The following ADAMTS18 variants were observed in gnomAD, a reference collection of about 807,000 sequenced individuals.
ADAMTS18 encodes A disintegrin and metalloproteinase with thrombospondin motifs 18.
Under a neutral mutation model 165.9 loss-of-function variants are expected in ADAMTS18, and 157 were observed. The ratio of observed to expected loss-of-function variants is 0.95; its 90% CI spans 0.83 to 1.08. The LOEUF (loss-of-function observed/expected upper bound fraction) is 1.08. ADAMTS18 is among the 50% of genes least tolerant of loss of function. The pLI, the probability that ADAMTS18 is intolerant of heterozygous loss-of-function variation, is 0.00. For missense variants in ADAMTS18, 2,040 were observed against 1,534.0 expected (o/e 1.33, Z -5.51); for synonymous variants, 782 against 578.2 (o/e 1.35, Z -5.06).
chr16:77,314,786 A>ATATATATATATATATATATATATAT (rs1491101675), intron 16 of ADAMTS18, among the ~76,000 whole-genome samples: 2 of 81,786 alleles, frequency 2.4e-5, no homozygotes, highest in Non-Finnish European at 2.4e-5. Context: ...ATATATATAT[A>ATATATATATATATATATATATATAT]AAATATATGT....
chr16:77,305,146 G>A (rs1444111157), intron 16 of ADAMTS18, among the ~76,000 whole-genome samples: 2 of 152,150 alleles, frequency 1.3e-5, no homozygotes, highest in Non-Finnish European at 2.9e-5. Flanking sequence ...AGATAAGTAT[G>A]TGCCAATTGT....
At position 77,378,163 on chromosome 16, in the gene ADAMTS18, A is replaced by C. The variant is rs191960733; in HGVS notation, c.496-10440T>G. ...AACACCACAAGATCCATCTCTACTA[A>C]AATAAAATGTTAGCCAGGTGTGTGT... On this transcript the variant is annotated intron_variant, in intron 3 of 22. Coordinates refer to ENST00000282849, the MANE Select transcript of ADAMTS18 (RefSeq NM_199355.4). Among the ~76,000 whole-genome samples, 473 of 151,212 alleles carry C rather than the reference A, an allele frequency of 3.1e-3. 6 individuals carry two copies. Among genetic ancestry groups the C allele is most frequent in the African/African-American group, 0.011 (459 of 40,650 alleles).
intron 22 of ADAMTS18, among the ~76,000 whole-genome samples, chr16:77,288,008 G>A (rs1435692932): frequency 1.3e-5 from 2 of 152,138 alleles, no homozygotes; most frequent in African/African-American, 2.4e-5. Flanking sequence ...GAACAAGATC[G>A]AGGACCTCAC....
At chr16:77,432,433 A>G (rs1403478570) in intron 2 of ADAMTS18, 5 of 152,214 alleles carry the variant, frequency 3.3e-5, no homozygotes, top group African/African-American at 1.2e-4. Context: ...TGCTCCCTAG[A>G]GCAGTACTAA....
chr16:77,294,809 A>G, intron 19 of ADAMTS18, 114 bp downstream of exon 19: 1 of 1,029,294 alleles, frequency 9.7e-7, no homozygotes, highest in Non-Finnish European at 1.5e-6. Flanking sequence ...ACATGAACTC[A>G]GGGTGATTTC....
intron 3 of ADAMTS18, among the ~76,000 whole-genome samples, chr16:77,372,401 T>C (rs927932927): frequency 7.9e-5 from 12 of 152,330 alleles, no homozygotes; most frequent in Admixed American, 1.3e-4. Flanking sequence ...AAATGTGGTA[T>C]ATATACACAA....
In ADAMTS18 at chr16:77,370,000, G is replaced by A. The variant is rs978426411; in HGVS notation, c.496-2277C>T. 3.3e-5 allele frequency among the ~76,000 whole-genome samples: 5 copies of A among 151,996 alleles called. No individual in the cohort carries two copies. The South Asian group carries it at 6.2e-4, about 19-fold the overall frequency. On this transcript the variant is annotated intron_variant, in intron 3 of 22. Coordinates refer to ENST00000282849, the MANE Select transcript of ADAMTS18 (RefSeq NM_199355.4). ...AACGAAAAACATAATTTTAATAGAT[G>A]CAAAAAAATGCATTTGATAAAATTT...
rs1567453940 is a variant in ADAMTS18 at position 77,289,438 on chromosome 16, C to T, written c.3403-27G>A. 6.2e-6 allele frequency: 10 copies of T among 1,612,908 alleles called. No homozygotes were observed. In the South Asian group the frequency reaches 6.6e-5, roughly 11 times the overall value. The stretch of plus-strand genomic sequence containing the variant: ...TGCAGCAGAGAGAAGAGGAAGGAGT[C>T]AGAAACACTCTACTGAGGTCAGTGA... On this transcript the variant is annotated intron_variant, in intron 21 of 22. Coordinates refer to ENST00000282849, the MANE Select transcript of ADAMTS18 (RefSeq NM_199355.4).
chr16:77,300,870 C>T (rs2055569607), intron 16 of ADAMTS18, among the ~76,000 whole-genome samples: 1 of 152,120 alleles, frequency 6.6e-6, no homozygotes, highest in African/African-American at 2.4e-5. Context: ...AATTTACAAG[C>T]TCTCTCCTGG....
chr16:77,396,643 C>A (rs2057260840), intron 3 of ADAMTS18, among the ~76,000 whole-genome samples: 3 of 152,104 alleles, frequency 2.0e-5, no homozygotes, highest in Admixed American at 2.0e-4. Context: ...TTCCAGCAGA[C>A]AGGGGAAATC....
At chr16:77,382,547 A>C (rs76547538) in intron 3 of ADAMTS18, among the ~76,000 whole-genome samples, 44 of 152,330 alleles carry the variant, frequency 2.9e-4, no homozygotes, top group African/African-American at 1.0e-3. Flanking sequence ...CTGAAGCTAC[A>C]TGACCTTTAC....
intron 16 of ADAMTS18, among the ~76,000 whole-genome samples, chr16:77,316,219 T>G (rs1227840187): frequency 6.6e-6 from 1 of 151,986 alleles, no homozygotes; most frequent in Non-Finnish European, 1.5e-5. Flanking sequence ...AGTTTACTTC[T>G]TGCCTCTCCA....
chr16:77,400,631 G>A (rs949494032), intron 3 of ADAMTS18, among the ~76,000 whole-genome samples: 3 of 151,846 alleles, frequency 2.0e-5, no homozygotes, highest in Middle Eastern at 3.2e-3. Context: ...ACAGGCGCCC[G>A]TCACCGCACC....
chr16:77,422,783 A>G (rs935888116), intron 3 of ADAMTS18, among the ~76,000 whole-genome samples: 2 of 152,134 alleles, frequency 1.3e-5, no homozygotes, highest in Non-Finnish European at 2.9e-5. Context: ...TACAATATAT[A>G]AACAAGAACA....
chr16:77,358,309 C>T (rs187680730), intron 8 of ADAMTS18, among the ~76,000 whole-genome samples: 1 of 152,296 alleles, frequency 6.6e-6, no homozygotes, highest in Non-Finnish European at 1.5e-5. Flanking sequence ...GGCGTGGTGG[C>T]TCACACCTGT....
chr16:77,340,278 G>A (rs1039266803), intron 11 of ADAMTS18, among the ~76,000 whole-genome samples: 2 of 152,172 alleles, frequency 1.3e-5, no homozygotes, highest in Admixed American at 6.5e-5. Context: ...GGATGCAAGT[G>A]ATTCTCATAC....
At chr16:77,328,506 C>T (rs1171850092) in intron 12 of ADAMTS18, among the ~76,000 whole-genome samples, 7 of 152,244 alleles carry the variant, frequency 4.6e-5, no homozygotes, top group South Asian at 4.1e-4. Context: ...AAATGTCACG[C>T]GGCCAGAATG....
At chr16:77,334,472 AT>A (rs1435247460) in intron 12 of ADAMTS18, among the ~76,000 whole-genome samples, 1 of 112,192 alleles carries the variant, frequency 8.9e-6, no homozygotes, top group Non-Finnish European at 1.6e-5. Flanking sequence ...TATACTGTAT[AT>A]TATAGTATAT....
At chr16:77,373,853 T>C (rs780315361) in intron 3 of ADAMTS18, among the ~76,000 whole-genome samples, 2 of 152,188 alleles carry the variant, frequency 1.3e-5, no homozygotes, top group African/African-American at 4.8e-5. Context: ...TGCAGTTTTA[T>C]TGCACACTCT....
Sources: gnomAD v4.1 joint callset for allele counts (sites outside exome capture counted in the v4.1 genomes callset) on GRCh38, gnomAD v4.1.1 for gene constraint, MANE v1.5 for transcripts, NCBI Gene and HGNC (gene_info 2026-07-23, HGNC 2026-07-21) for gene names.